Variants in SLC4A4 observed in about 807,000 individuals in gnomAD.
SLC4A4 encodes the protein solute carrier family 4 member 4, also known as electrogenic sodium bicarbonate cotransporter 1.
A neutral mutation model predicts 111.5 loss-of-function variants in SLC4A4; 27 were observed. The ratio of observed to expected loss-of-function variants is 0.24; its 90% CI spans 0.18 to 0.33. The LOEUF (loss-of-function observed/expected upper bound fraction) is 0.33. Among genes scored for constraint, SLC4A4 ranks in the 10% least tolerant of loss-of-function variants. The pLI is 1.00. For synonymous variants in SLC4A4, 443 were observed against 463.4 expected (o/e 0.96, Z 0.57); for missense variants, 909 against 1,315.5 (o/e 0.69, Z 4.78).
At chr4:71,370,341 A>G (rs1290454120) in intron 6 of SLC4A4, among the ~76,000 whole-genome samples, 1 of 152,226 alleles carries the variant, frequency 6.6e-6, no homozygotes, top group East Asian at 1.9e-4. Context: ...GATTGCCCAA[A>G]AGATCTGCTA....
At chr4:71,081,919 C>G (rs984943730) in intron 1 of SLC4A4, among the ~76,000 whole-genome samples, 2 of 152,038 alleles carry the variant, frequency 1.3e-5, no homozygotes, top group African/African-American at 4.8e-5. Context: ...ACACAGGGCT[C>G]AAACATATGG....
intron 3 of SLC4A4, among the ~76,000 whole-genome samples, chr4:71,283,786 G>A (rs1723709765): frequency 6.6e-6 from 1 of 152,140 alleles, no homozygotes; most frequent in Admixed American, 6.6e-5. Flanking sequence ...CAGAGCCTAG[G>A]GAACTTCCCT....
chr4:71,394,015 A>T (rs1719557251), intron 6 of SLC4A4, among the ~76,000 whole-genome samples: 1 of 152,198 alleles, frequency 6.6e-6, no homozygotes, highest in South Asian at 2.1e-4. Flanking sequence ...AATCAACTCA[A>T]GATGGATTAA....
intron 1 of SLC4A4, among the ~76,000 whole-genome samples, chr4:71,212,466 A>G (rs748360811): frequency 1.3e-5 from 2 of 152,242 alleles, no homozygotes; most frequent in Non-Finnish European, 2.9e-5. Context: ...GCAGAGGGTG[A>G]ATACCAGTGC....
At chr4:71,282,011 A>AC (rs1427158980) in intron 3 of SLC4A4, among the ~76,000 whole-genome samples, 2 of 150,698 alleles carry the variant, frequency 1.3e-5, no homozygotes, top group Non-Finnish European at 2.9e-5. Context: ...TATTTGGGTG[A>AC]CCTCAGTTTT....
Position 71,571,179 on chromosome 4 carries a change from A to G in SLC4A4, c.*3428A>G, listed in dbSNP as rs1737912775. ...AGTACTTGAAATGTATTGACTGCTG[A>G]CTATATTTTAAAAACAAAATGAAAT... On this transcript the variant is annotated 3_prime_UTR_variant, in exon 26 of 26. Coordinates refer to ENST00000264485, the MANE Select transcript of SLC4A4 (RefSeq NM_001098484.3). 1 of 152,246 alleles carries G rather than the reference A, an allele frequency of 6.6e-6. No homozygotes were observed. Among genetic ancestry groups the G allele is most frequent in the Non-Finnish European group, 1.5e-5 (1 of 67,870 alleles). 9.4% of individuals were successfully genotyped at this position (152,246 alleles called of 1,614,324 possible). A position where few individuals can be genotyped will look rare whatever the true frequency, so the allele number is the denominator to read the frequency against.
intron 1 of SLC4A4, among the ~76,000 whole-genome samples, chr4:71,228,771 T>C (rs1394707459): frequency 6.6e-6 from 1 of 152,208 alleles, no homozygotes; most frequent in Non-Finnish European, 1.5e-5. Context: ...ATTTGAGAAA[T>C]TATACAGAGA....
chr4:71,196,527 C>G (rs1190241138), intron 1 of SLC4A4, among the ~76,000 whole-genome samples: 1 of 152,144 alleles, frequency 6.6e-6, no homozygotes, highest in East Asian at 1.9e-4. Flanking sequence ...GTGAATTCTG[C>G]AGTTGAATTG....
At chr4:71,506,868 G>C (rs1267385098) in intron 16 of SLC4A4, among the ~76,000 whole-genome samples, 3 of 152,072 alleles carry the variant, frequency 2.0e-5, no homozygotes, top group African/African-American at 7.2e-5. Flanking sequence ...ACCTACAAAG[G>C]GAAGCCCATG....
chr4:71,551,180 GA>G (rs1735964828), intron 20 of SLC4A4, among the ~76,000 whole-genome samples: 1 of 151,866 alleles, frequency 6.6e-6, no homozygotes, highest in Non-Finnish European at 1.5e-5. Context: ...CAAGTCTGAA[GA>G]AATAAAAATC....
intron 1 of SLC4A4, among the ~76,000 whole-genome samples, chr4:71,196,833 C>CAAAAA (rs1293017045): frequency 3.2e-4 from 3 of 9,248 alleles, no homozygotes; most frequent in Non-Finnish European, 1.7e-3. Flanking sequence ...GACTCTGTCT[C>CAAAAA]CAAAAAAAAA....
At chr4:71,140,944 G>A (rs922108174) in intron 2 of SLC4A4, among the ~76,000 whole-genome samples, 2 of 152,178 alleles carry the variant, frequency 1.3e-5, no homozygotes, top group Admixed American at 6.5e-5. Context: ...TGAATATAAT[G>A]TGGGATAATT....
intron 1 of SLC4A4, among the ~76,000 whole-genome samples, chr4:71,194,795 G>A (rs888987438): frequency 1.3e-5 from 2 of 152,124 alleles, no homozygotes; most frequent in African/African-American, 2.4e-5. Flanking sequence ...ACCATGTTTT[G>A]TGTAAAATTG....
rs796893801 is a variant in SLC4A4 at position 71,273,988 on chromosome 4, C to G, written c.253+18589C>G. On this transcript the variant is annotated intron_variant, in intron 3 of 25. Coordinates refer to ENST00000264485, the MANE Select transcript of SLC4A4 (RefSeq NM_001098484.3). Reference sequence around the variant, plus strand: ...AAAGTAAATACAGTTGAAACTTGAACAACATGGGAGTTAGGGGCACTGACC... The same window carrying G: ...AAAGTAAATACAGTTGAAACTTGAAGAACATGGGAGTTAGGGGCACTGACC... Among the ~76,000 whole-genome samples the G allele has an allele frequency of 3.9e-5, 6 of 152,248 alleles. 1 individual carries two copies. The highest frequency in any genetic ancestry group is 1.4e-4 in the African/African-American group (6 of 41,552).
intron 18 of SLC4A4, among the ~76,000 whole-genome samples, chr4:71,535,414 A>G (rs958679056): frequency 1.3e-5 from 2 of 152,196 alleles, no homozygotes; most frequent in African/African-American, 4.8e-5. Context: ...ATGGTAAGAA[A>G]GGAGTAAATC....
chr4:71,350,302 G>A (rs1729702845), intron 5 of SLC4A4, among the ~76,000 whole-genome samples: 1 of 151,820 alleles, frequency 6.6e-6, no homozygotes, highest in Non-Finnish European at 1.5e-5. Context: ...GGTCATTGTT[G>A]GCATTTTGGA....
Position 71,172,187 on chromosome 4 carries a change from CA to C in SLC4A4, c.-1-64384del, listed in dbSNP as rs1380226144. Among the ~76,000 whole-genome samples the C allele has an allele frequency of 5.9e-5, 9 of 151,870 alleles. No homozygotes were observed. In the East Asian group the frequency reaches 1.7e-3, roughly 29 times the overall value. On this transcript the variant is annotated intron_variant, in intron 2 of 26. Transcript: ENST00000649996. ...GAAAGGAGTTTACCTATCAATAATT[CA>C]AAAACAATCTCCCTCTTCCAATTCC...
chr4:71,551,238 A>G (rs577197698), intron 20 of SLC4A4, among the ~76,000 whole-genome samples: 1 of 152,052 alleles, frequency 6.6e-6, no homozygotes, highest in South Asian at 2.1e-4. Context: ...GAAATAGTTT[A>G]ATTCAAGTTA....
intron 1 of SLC4A4, among the ~76,000 whole-genome samples, chr4:71,211,973 C>T (rs1455071243): frequency 6.6e-6 from 1 of 152,046 alleles, no homozygotes. Context: ...CAACCAAATT[C>T]ACGGATGTGA....
Sources: gnomAD v4.1 joint callset for allele counts (sites outside exome capture counted in the v4.1 genomes callset) on GRCh38, gnomAD v4.1.1 for gene constraint, MANE v1.5 for transcripts, NCBI Gene and HGNC (gene_info 2026-07-23, HGNC 2026-07-21) for gene names.